LRP1B: variants seen among roughly 807,000 people sequenced by gnomAD.
LRP1B encodes the protein LDL receptor related protein 1B.
A neutral mutation model predicts 556.6 loss-of-function variants in LRP1B; 217 were observed. The ratio of observed to expected loss-of-function variants is 0.39; its 90% CI spans 0.35 to 0.44. LRP1B has a LOEUF of 0.44. LRP1B is among the 20% of genes least tolerant of loss of function. LRP1B has a pLI of 1.00. For synonymous variants in LRP1B, 2,047 were observed against 1,865.8 expected (o/e 1.10, Z -2.50); for missense variants, 5,053 against 5,620.8 (o/e 0.90, Z 3.23).
intron 1 of LRP1B, among the ~76,000 whole-genome samples, chr2:141,869,264 TTTTTAA>T (rs1026289510): frequency 6.6e-6 from 1 of 152,056 alleles, no homozygotes; most frequent in Non-Finnish European, 1.5e-5. Context: ...GAAAAAATAT[TTTTTAA>T]TTTTAATTGT....
intron 43 of LRP1B, among the ~76,000 whole-genome samples, chr2:140,552,928 C>A (rs141104462): frequency 5.2e-4 from 79 of 152,206 alleles, no homozygotes; most frequent in African/African-American, 1.6e-3. Flanking sequence ...CCCTTTGCAT[C>A]TTGGAACTTC....
intron 1 of LRP1B, among the ~76,000 whole-genome samples, chr2:141,964,673 A>G (rs1701503931): frequency 6.7e-6 from 1 of 150,158 alleles, no homozygotes; most frequent in Non-Finnish European, 1.5e-5. Flanking sequence ...ACCATTCAGG[A>G]CATAGGCGTG....
intron 7 of LRP1B, among the ~76,000 whole-genome samples, chr2:141,159,109 A>C (rs1702138074): frequency 6.6e-6 from 1 of 152,204 alleles, no homozygotes. Flanking sequence ...AAATGTATGA[A>C]GTTATCTCTC....
intron 45 of LRP1B, among the ~76,000 whole-genome samples, chr2:140,539,675 C>A (rs942434457): frequency 6.6e-6 from 1 of 152,112 alleles, no homozygotes; most frequent in African/African-American, 2.4e-5. Context: ...GTGATTCTAA[C>A]GCATGGCTAA....
At chr2:141,621,601 T>C (rs1688506067) in intron 2 of LRP1B, among the ~76,000 whole-genome samples, 1 of 152,200 alleles carries the variant, frequency 6.6e-6, no homozygotes, top group Admixed American at 6.5e-5. Context: ...TAATAATTGA[T>C]ACATCTCAGT....
intron 1 of LRP1B, among the ~76,000 whole-genome samples, chr2:141,891,970 A>G (rs1192831384): frequency 6.6e-6 from 1 of 152,078 alleles, no homozygotes; most frequent in Non-Finnish European, 1.5e-5. Flanking sequence ...AAGAAATAAA[A>G]CAACATTCAT....
chr2:141,792,743 C>T (rs897759405), intron 2 of LRP1B, among the ~76,000 whole-genome samples: 2 of 152,000 alleles, frequency 1.3e-5, no homozygotes, highest in Admixed American at 6.6e-5. Context: ...AGGGAACCAA[C>T]GTGGTCTCAG....
intron 2 of LRP1B, among the ~76,000 whole-genome samples, chr2:141,676,164 A>T (rs1048833974): frequency 2.6e-5 from 4 of 151,760 alleles, no homozygotes; most frequent in African/African-American, 9.7e-5. Context: ...TTGTAATGTG[A>T]TATTATATTA....
At chr2:140,307,609 G>A (rs530841328) in intron 83 of LRP1B, among the ~76,000 whole-genome samples, 5 of 151,696 alleles carry the variant, frequency 3.3e-5, no homozygotes, top group South Asian at 2.1e-4. Flanking sequence ...CATGGATATT[G>A]TAAAGATTTA....
intron 43 of LRP1B, among the ~76,000 whole-genome samples, chr2:140,566,248 C>A (rs1681121746): frequency 6.6e-6 from 1 of 152,306 alleles, no homozygotes; most frequent in East Asian, 1.9e-4. Context: ...CTCCACCCTA[C>A]CCTTCCCAGT....
At chr2:141,137,891 T>C (rs1299266580) in intron 7 of LRP1B, among the ~76,000 whole-genome samples, 1 of 151,806 alleles carries the variant, frequency 6.6e-6, no homozygotes, top group Non-Finnish European at 1.5e-5. Context: ...ATTTTTTTTT[T>C]TTAATTTGAA....
intron 6 of LRP1B, among the ~76,000 whole-genome samples, chr2:141,193,781 A>T (rs1303086132): frequency 6.6e-6 from 1 of 152,004 alleles, no homozygotes; most frequent in African/African-American, 2.4e-5. Flanking sequence ...GCTTAAAAAA[A>T]AAAATAAAAA....
chr2:140,676,792 T>C (rs527504590), intron 41 of LRP1B, among the ~76,000 whole-genome samples: 38 of 152,324 alleles, frequency 2.5e-4, no homozygotes, highest in South Asian at 1.7e-3. Flanking sequence ...TTTTTGCTTG[T>C]AAAGATTTTA....
At chr2:141,883,723 A>G (rs1177746565) in intron 1 of LRP1B, among the ~76,000 whole-genome samples, 1 of 151,902 alleles carries the variant, frequency 6.6e-6, no homozygotes, top group African/African-American at 2.4e-5. Context: ...GACCCATCTC[A>G]AAAAAACAAA....
intron 79 of LRP1B, among the ~76,000 whole-genome samples, chr2:140,326,998 A>G (rs1053802491): frequency 6.6e-6 from 1 of 152,144 alleles, no homozygotes; most frequent in Non-Finnish European, 1.5e-5. Flanking sequence ...AGTAATATGT[A>G]TGACTCATGA....
chr2:141,327,898 G>GAA (rs770502946), intron 3 of LRP1B, among the ~76,000 whole-genome samples: 4 of 152,056 alleles, frequency 2.6e-5, no homozygotes, highest in African/African-American at 7.2e-5. Flanking sequence ...GAGAGAGAGA[G>GAA]AGACAGACCG....
chr2:142,046,461 C>T (rs1421028479), intron 1 of LRP1B, among the ~76,000 whole-genome samples: 1 of 151,846 alleles, frequency 6.6e-6, no homozygotes, highest in Non-Finnish European at 1.5e-5. Flanking sequence ...TCAGGGGCAT[C>T]AGGCCAACAA....
At chr2:140,253,237 A>G (rs1043929183) in intron 86 of LRP1B, among the ~76,000 whole-genome samples, 22 of 152,200 alleles carry the variant, frequency 1.4e-4, no homozygotes, top group South Asian at 1.0e-3. Flanking sequence ...CTAAATTGTA[A>G]TACTGAGAAA....
intron 2 of LRP1B, among the ~76,000 whole-genome samples, chr2:141,703,756 A>G (rs550679654): frequency 3.3e-5 from 5 of 152,056 alleles, no homozygotes; most frequent in Non-Finnish European, 5.9e-5. Flanking sequence ...GAGGATGCAT[A>G]TAACAGAAAC....
Sources: allele counts gnomAD v4.1 joint callset (sites outside exome capture counted in the v4.1 genomes callset), GRCh38; gene constraint gnomAD v4.1.1; transcripts MANE v1.5; gene names NCBI Gene and HGNC (gene_info 2026-07-23, HGNC 2026-07-21).